The following ZNF727 variants were observed in gnomAD, a reference collection of about 807,000 sequenced individuals.
ZNF727 encodes zinc finger protein 727.
In ZNF727, 11 loss-of-function variants were observed where a neutral mutation model predicts 11.5. That is an observed-to-expected ratio of 0.95 (90% confidence interval 0.60 to 1.58). ZNF727 has a LOEUF of 1.58. Ranked by LOEUF, ZNF727 falls within the 40% of genes most tolerant of loss-of-function variation. The pLI, the probability that ZNF727 is intolerant of heterozygous loss-of-function variation, is 0.00. For synonymous variants in ZNF727, 171 were observed against 196.1 expected (o/e 0.87, Z 1.07); for missense variants, 533 against 581.7 (o/e 0.92, Z 0.86).
At chr7:64,061,352 C>T (rs576077455) in intron 1 of ZNF727, among the ~76,000 whole-genome samples, 4 of 152,134 alleles carry the variant, frequency 2.6e-5, no homozygotes, top group African/African-American at 7.2e-5. Context: ...TCTGAGTTCT[C>T]CAGTGTTAGG....
chr7:64,048,716 A>T lies in ZNF727; in HGVS notation c.3+3092A>T, dbSNP rs543261408. ...TAGCTTTTTTTGTTTTTAAGCTGCA[A>T]TGGATGCAACAATTTTATCAGTAAT... On this transcript the variant is annotated intron_variant, in intron 1 of 3. Coordinates refer to ENST00000456806, the MANE Select transcript of ZNF727 (RefSeq NM_001159522.3). 3.3e-5 allele frequency among the ~76,000 whole-genome samples: 5 copies of T among 152,226 alleles called. No individual in the cohort carries two copies. In the East Asian group the frequency reaches 9.6e-4, roughly 29 times the overall value.
chr7:64,075,218 GTATT>G (rs958567815), intron 3 of ZNF727, among the ~76,000 whole-genome samples: 3 of 151,652 alleles, frequency 2.0e-5, no homozygotes, highest in Admixed American at 6.6e-5. Context: ...ATATTGTACT[GTATT>G]TATATTGTTT....
chr7:64,045,492 C>G lies in ZNF727; in HGVS notation c.-130C>G. 7.9e-7 allele frequency: 1 copy of G among 1,264,046 alleles called. No homozygotes were observed. The highest frequency in any genetic ancestry group is 1.1e-6 in the Non-Finnish European group (1 of 886,072). 78.3% of individuals were successfully genotyped at this position (1,264,046 alleles called of 1,614,324 possible). A position where few individuals can be genotyped will look rare whatever the true frequency, so the allele number is the denominator to read the frequency against. On this transcript the variant is annotated 5_prime_UTR_variant, in exon 1 of 4. Transcript: ENST00000456806. ...AGCTTCTAGGCTCTGAGTCCAGTAC[C>G]CGTCTGTACTATTCCATCTCTTCCG...
intron 1 of ZNF727, among the ~76,000 whole-genome samples, chr7:64,063,387 C>T (rs1344963755): frequency 6.6e-6 from 1 of 152,134 alleles, no homozygotes; most frequent in African/African-American, 2.4e-5. Flanking sequence ...GTAGAGGTAC[C>T]ACTTTGGTGG....
chr7:64,065,298 G>A (rs1256076068), intron 1 of ZNF727, among the ~76,000 whole-genome samples: 1 of 152,138 alleles, frequency 6.6e-6, no homozygotes, highest in African/African-American at 2.4e-5. Context: ...AGGTCACTGC[G>A]GCCCATATTC....
chr7:64,076,835 C>T (rs1035165577), intron 3 of ZNF727, among the ~76,000 whole-genome samples: 2 of 152,052 alleles, frequency 1.3e-5, no homozygotes, highest in African/African-American at 4.8e-5. Flanking sequence ...CAAAGTATAC[C>T]ACCTTTATTT....
intron 1 of ZNF727, among the ~76,000 whole-genome samples, chr7:64,053,483 G>A (rs1789634801): frequency 6.6e-6 from 1 of 152,008 alleles, no homozygotes; most frequent in Non-Finnish European, 1.5e-5. Flanking sequence ...ATTATGCCCA[G>A]GTAAATTTTG....
rs531819296 is a variant in ZNF727, at chr7:64,065,127, T to C, written c.4-3764T>C. 2.6e-5 allele frequency among the ~76,000 whole-genome samples: 4 copies of C among 152,048 alleles called. No individual in the cohort carries two copies. In the South Asian group the frequency reaches 6.2e-4, roughly 24 times the overall value. On this transcript the variant is annotated intron_variant, in intron 1 of 3. Transcript: ENST00000456806. ...TGCTATTTAGTCATCTTGCTCCACTTCCCCCCTGCAGCCATGTTGTTTGAA... is the reference window on the plus strand; with the variant it reads ...TGCTATTTAGTCATCTTGCTCCACTCCCCCCCTGCAGCCATGTTGTTTGAA...
rs559778086 is a variant in ZNF727 at position 64,082,601 on chromosome 7, C to T, written c.*4052C>T. 1.1e-4 allele frequency among the ~76,000 whole-genome samples: 17 copies of T among 152,216 alleles called. No individual in the cohort carries two copies. The highest frequency in any genetic ancestry group is 3.6e-4 in the African/African-American group (15 of 41,548). On this transcript the variant is annotated 3_prime_UTR_variant, in exon 4 of 4. Transcript: ENST00000456806. Reference sequence around the variant, plus strand: ...ACTTAAGAAAGCAGTGTAGGCTGGGCGCAGTGGCTCATGCCTGTAACCCTA... The same window carrying T: ...ACTTAAGAAAGCAGTGTAGGCTGGGTGCAGTGGCTCATGCCTGTAACCCTA...
At chr7:64,071,640 T>C (rs1789963702) in intron 3 of ZNF727, among the ~76,000 whole-genome samples, 1 of 152,100 alleles carries the variant, frequency 6.6e-6, no homozygotes, top group African/African-American at 2.4e-5. Flanking sequence ...TGCTGTACTT[T>C]TCTGTTGTAT....
chr7:64,082,855 C>T lies in ZNF727; in HGVS notation c.*4306C>T, dbSNP rs1377962693. ...GGAGATTGTGCCACTGCACTCCAGC[C>T]TGGTGAGAGAGCGAGACTCCGTCTC... On this transcript the variant is annotated 3_prime_UTR_variant, in exon 4 of 4. Coordinates refer to ENST00000456806, the MANE Select transcript of ZNF727 (RefSeq NM_001159522.3). 6.7e-6 allele frequency among the ~76,000 whole-genome samples: 1 copy of T among 149,072 alleles called. No homozygotes were observed. The highest frequency in any genetic ancestry group is 2.5e-5 in the African/African-American group (1 of 40,410).
intron 1 of ZNF727, among the ~76,000 whole-genome samples, chr7:64,048,465 C>T (rs146483948): frequency 6.6e-5 from 10 of 152,188 alleles, no homozygotes; most frequent in African/African-American, 1.2e-4. Context: ...TAGATTAACA[C>T]GTAAATTACA....
intron 1 of ZNF727, among the ~76,000 whole-genome samples, chr7:64,055,193 C>T (rs1347490089): frequency 2.6e-5 from 4 of 151,872 alleles, no homozygotes; most frequent in African/African-American, 4.8e-5. Context: ...CTGAGGTTCG[C>T]GGATCACAAG....
chr7:64,070,965 G>C (rs866667821), intron 3 of ZNF727, among the ~76,000 whole-genome samples: 1 of 151,910 alleles, frequency 6.6e-6, no homozygotes, highest in Non-Finnish European at 1.5e-5. Context: ...ATTTTTTATG[G>C]CTGAATAATA....
intron 1 of ZNF727, among the ~76,000 whole-genome samples, chr7:64,067,742 T>C (rs905812945): frequency 2.0e-5 from 3 of 151,816 alleles, no homozygotes; most frequent in South Asian, 4.2e-4. Context: ...TGTCAGGGGA[T>C]TGGGGGCAAG....
chr7:64,066,273 T>A, intron 1 of ZNF727, among the ~76,000 whole-genome samples: 1 of 152,166 alleles, frequency 6.6e-6, no homozygotes, highest in East Asian at 1.9e-4. Context: ...AAGTTACCAT[T>A]AACTTTCTTT....
intron 1 of ZNF727, among the ~76,000 whole-genome samples, chr7:64,050,797 TGTGTGTGTGTGTGTG>T (rs1192394910): frequency 1.4e-4 from 22 of 152,090 alleles, no homozygotes; most frequent in African/African-American, 5.3e-4. Context: ...TGTGTGTGTG[TGTGTGTGTGTGTGTG>T]TATGTATGTA....
chr7:64,074,186 G>A (rs1790006028), intron 3 of ZNF727, among the ~76,000 whole-genome samples: 1 of 152,138 alleles, frequency 6.6e-6, no homozygotes, highest in Non-Finnish European at 1.5e-5. Flanking sequence ...GATAACACAT[G>A]TGAAATGTCC....
chr7:64,066,875 A>G (rs1300614160), intron 1 of ZNF727, among the ~76,000 whole-genome samples: 1 of 152,228 alleles, frequency 6.6e-6, no homozygotes, highest in Non-Finnish European at 1.5e-5. Flanking sequence ...AGCCTACAGA[A>G]TGGGAGAAAA....
Sources: allele counts gnomAD v4.1 joint callset (sites outside exome capture counted in the v4.1 genomes callset), GRCh38; gene constraint gnomAD v4.1.1; transcripts MANE v1.5; gene names NCBI Gene and HGNC (gene_info 2026-07-23, HGNC 2026-07-21).